FDFT1: variants seen among roughly 807,000 people sequenced by gnomAD.
The protein encoded by FDFT1 is squalene synthase.
In FDFT1, 68 loss-of-function variants were observed where a neutral mutation model predicts 46.8. The observed-to-expected ratio is 1.45, with a 90% confidence interval of 1.19 to 1.78. The LOEUF is 1.78. Among genes scored for constraint, FDFT1 ranks in the 40% most tolerant of loss-of-function variants. The pLI is 0.00. For missense variants in FDFT1, 928 were observed against 524.4 expected, an observed-to-expected ratio of 1.77 and a Z score of -7.52; for synonymous variants, 351 against 185.1, an observed-to-expected ratio of 1.90 and a Z score of -7.28.
rs531759815 is a variant in FDFT1, at chr8:11,832,551, C to CAAAAAAAAAAAAAAAAAAAAAAAA, written c.1032+883_1032+906dup. 1.1e-4 allele frequency among the ~76,000 whole-genome samples: 4 copies of CAAAAAAAAAAAAAAAAAAAAAAAA among 36,376 alleles called. 1 individual carries two copies. Among genetic ancestry groups the CAAAAAAAAAAAAAAAAAAAAAAAA allele is most frequent in the Non-Finnish European group, 2.2e-4 (4 of 18,132 alleles). The allele number at this position is 36,376 out of a possible 152,430, so 23.9% of individuals were successfully genotyped here. On this transcript the variant is annotated intron_variant, in intron 7 of 7. Coordinates refer to ENST00000220584, the MANE Select transcript of FDFT1 (RefSeq NM_004462.5). ...TGGGTGATAGAGTGAGACTTTGTCTCAAAAAAAAAAAAAAAAAAAAAAAAA... is the reference window on the plus strand; with the variant it reads ...TGGGTGATAGAGTGAGACTTTGTCTCAAAAAAAAAAAAAAAAAAAAAAAAAAAAAAAAAAAAAAAAAAAAAAAAA...
chr8:11,798,908 C>T (rs1042758962), upstream of FDFT1, among the ~76,000 whole-genome samples: 1 of 152,176 alleles, frequency 6.6e-6, no homozygotes, highest in Admixed American at 6.5e-5. Flanking sequence ...TTTATTTCTT[C>T]TAAAGGGTTA....
At chr8:11,808,981 A>C in intron 2 of FDFT1, 90 bp downstream of exon 2, 3 of 1,528,838 alleles carry the variant, frequency 2.0e-6, no homozygotes, top group South Asian at 2.4e-5. Flanking sequence ...TATAGCGCTC[A>C]GCGTTGCAGC....
rs1346714156 is a variant in FDFT1 at position 11,803,166 on chromosome 8, C to T, written c.99+235C>T. ...CCGCCCTGGGCATGAGCGACTTTTG[C>T]GTGGTTCCCGGTGGTTGCGCTCCCC... On this transcript the variant is annotated intron_variant, in intron 1 of 7. Coordinates refer to ENST00000220584, the MANE Select transcript of FDFT1 (RefSeq NM_004462.5). 1.6e-5 allele frequency: 22 copies of T among 1,417,588 alleles called. No individual in the cohort carries two copies. The East Asian group carries it at 2.7e-4, about 18-fold the overall frequency. 87.8% of individuals were successfully genotyped at this position (1,417,588 alleles called of 1,614,324 possible). A position where few individuals can be genotyped will look rare whatever the true frequency, so the allele number is the denominator to read the frequency against.
chr8:11,813,174 A>G (rs765234781), intron 3 of FDFT1, among the ~76,000 whole-genome samples: 1 of 152,212 alleles, frequency 6.6e-6, no homozygotes, highest in African/African-American at 2.4e-5. Context: ...AGGGCCCACC[A>G]TTGTATTTCC....
chr8:11,799,524 C>T (rs2645437), upstream of FDFT1, among the ~76,000 whole-genome samples: 191 of 152,154 alleles, frequency 1.3e-3, 1 homozygote, highest in African/African-American at 4.1e-3. Flanking sequence ...TTCCGTTAGT[C>T]TTATGATCTC....
At chr8:11,838,303 T>C in intron 7 of FDFT1, 85 bp from the exon 8 acceptor site, 3 of 1,026,366 alleles carry the variant, frequency 2.9e-6, no homozygotes, top group South Asian at 2.7e-5. Flanking sequence ...GGGTATAAAA[T>C]ACCTGCCAGT....
At chr8:11,837,446 G>C (rs920329699) in intron 7 of FDFT1, among the ~76,000 whole-genome samples, 1 of 152,142 alleles carries the variant, frequency 6.6e-6, no homozygotes, top group Non-Finnish European at 1.5e-5. Context: ...TGTCCAGGCT[G>C]GTCTTAAACG....
At position 11,826,131 on chromosome 8, in the gene FDFT1, T is replaced by C. The variant is rs1280412911; in HGVS notation, c.618T>C (p.Ser206=). The change falls in exon 5 of 8, where the codon TCT becomes TCC. Residue 206 remains serine, a synonymous_variant. Transcript: ENST00000220584. ...GTGAAGATACAGAACGTGCCAACTC[T>C]ATGGGCCTGTTTTTGCAGAAAACAA... ...LVGEDTERAN[S]MGLFLQKTNI... 3 of 1,609,610 alleles carry C rather than the reference T, an allele frequency of 1.9e-6. No individual in the cohort carries two copies. The highest frequency in any genetic ancestry group is 2.2e-5 in the East Asian group (1 of 44,816).
intron 1 of FDFT1, among the ~76,000 whole-genome samples, chr8:11,804,567 C>G (rs1236306212): frequency 6.8e-6 from 1 of 147,090 alleles, no homozygotes; most frequent in South Asian, 2.2e-4. Flanking sequence ...TGGAAAAATA[C>G]ATTTCCCTTC....
intron 1 of FDFT1, among the ~76,000 whole-genome samples, chr8:11,804,686 A>G (rs551223978): frequency 7.4e-6 from 1 of 134,340 alleles, no homozygotes; most frequent in African/African-American, 2.8e-5. Context: ...AGCTAGATGC[A>G]GCCTCCGCCT....
At chr8:11,827,212 A>G (rs80135711) in intron 5 of FDFT1, among the ~76,000 whole-genome samples, 17,838 of 152,152 alleles carry the variant, frequency 0.12, 1,216 homozygotes, top group Non-Finnish European at 0.16. Context: ...GTGGTGTCTC[A>G]TACTTATAAT....
At chr8:11,817,066 G>GTT (rs952539027) in intron 3 of FDFT1, among the ~76,000 whole-genome samples, 2 of 152,174 alleles carry the variant, frequency 1.3e-5, no homozygotes, top group Non-Finnish European at 2.9e-5. Flanking sequence ...TTTACTGAGA[G>GTT]TTTTTAGCAT....
intron 1 of FDFT1, 44 bp downstream of exon 1, chr8:11,802,975 G>C: frequency 2.6e-6 from 4 of 1,558,604 alleles, no homozygotes; most frequent in Non-Finnish European, 3.5e-6. Context: ...GAAGGAGCTC[G>C]CTGGGCCGGC....
At chr8:11,828,978 T>G (rs2645414) in intron 5 of FDFT1, among the ~76,000 whole-genome samples, 148,589 of 152,294 alleles carry the variant, frequency 0.98, 72,588 homozygotes, top group East Asian at 1. Flanking sequence ...TGCATATAAG[T>G]TTTTGTGTAG....
At chr8:11,815,968 C>G (rs1003216981) in intron 3 of FDFT1, among the ~76,000 whole-genome samples, 1 of 152,164 alleles carries the variant, frequency 6.6e-6, no homozygotes, top group African/African-American at 2.4e-5. Flanking sequence ...ATGGTATTGA[C>G]TGCATTTTCT....
At chr8:11,830,182 T>C in intron 5 of FDFT1, 62 bp from the exon 6 acceptor site, 1 of 1,302,096 alleles carries the variant, frequency 7.7e-7, no homozygotes, top group Non-Finnish European at 1.1e-6. Flanking sequence ...CCCTTTAATA[T>C]TGTTTGTAAA....
intron 7 of FDFT1, among the ~76,000 whole-genome samples, chr8:11,833,752 C>G (rs1352658612): frequency 1.3e-5 from 2 of 152,146 alleles, no homozygotes; most frequent in Non-Finnish European, 2.9e-5. Flanking sequence ...CTGCAACAGG[C>G]GATGACTTGT....
Position 11,830,464 on chromosome 8 carries a change from G to A in FDFT1, c.879+44G>A, listed in dbSNP as rs555978554. On this transcript the variant is annotated intron_variant, in intron 6 of 7. Transcript: ENST00000220584. ...CTGGGTGGATACGGGGCTAAAGGGAGTGGGGTAGGAGTAAGGGTGGATTTT... is the reference window on the plus strand; with the variant it reads ...CTGGGTGGATACGGGGCTAAAGGGAATGGGGTAGGAGTAAGGGTGGATTTT... 8.2e-5 allele frequency: 116 copies of A among 1,421,698 alleles called. 1 individual carries two copies. In the South Asian group the frequency reaches 1.1e-3, roughly 14 times the overall value. The allele number at this position is 1,421,698 out of a possible 1,614,324, so 88.1% of individuals were successfully genotyped here.
intron 6 of FDFT1, 46 bp from the exon 7 acceptor site, chr8:11,831,472 A>G (rs371651248): frequency 9.0e-5 from 140 of 1,559,610 alleles, no homozygotes; most frequent in Non-Finnish European, 1.2e-4. Context: ...AATGATAGCT[A>G]ACGACATCAT....
Sources: allele counts gnomAD v4.1 joint callset (sites outside exome capture counted in the v4.1 genomes callset), GRCh38; gene constraint gnomAD v4.1.1; transcripts MANE v1.5; gene names NCBI Gene and HGNC (gene_info 2026-07-23, HGNC 2026-07-21).